Variants in CRACD observed in about 807,000 individuals in gnomAD.
CRACD encodes capping protein-inhibiting regulator of actin dynamics.
A neutral mutation model predicts 106.8 loss-of-function variants in CRACD; 56 were observed. That is an observed-to-expected ratio of 0.52 (90% CI 0.42 to 0.66). The LOEUF is 0.66. Ranked by LOEUF, CRACD falls within the 30% of genes least tolerant of loss-of-function variation. CRACD has a pLI of 0.00. For synonymous variants in CRACD, 754 were observed against 670.8 expected (o/e 1.12, Z -1.92); for missense variants, 1,730 against 1,623.2 (o/e 1.07, Z -1.13).
chr4:56,262,565 T>C (rs1274521403), intron 2 of CRACD, among the ~76,000 whole-genome samples: 1 of 152,198 alleles, frequency 6.6e-6, no homozygotes, highest in African/African-American at 2.4e-5. Flanking sequence ...GTGTATTTTA[T>C]GTGTGGCCCA....
At chr4:56,160,886 G>A (rs1735927820) in intron 1 of CRACD, among the ~76,000 whole-genome samples, 1 of 152,206 alleles carries the variant, frequency 6.6e-6, no homozygotes, top group Admixed American at 6.5e-5. Flanking sequence ...TTGTTAATAG[G>A]CTGGAATACC....
chr4:56,053,301 A>T (rs892709360), intron 1 of CRACD, among the ~76,000 whole-genome samples: 2 of 152,104 alleles, frequency 1.3e-5, no homozygotes, highest in African/African-American at 4.8e-5. Context: ...CAAGTATCCT[A>T]TTAGCGTTTT....
chr4:56,149,506 C>T (rs552622336), intron 1 of CRACD, among the ~76,000 whole-genome samples: 1 of 152,268 alleles, frequency 6.6e-6, no homozygotes, highest in South Asian at 2.1e-4. Context: ...ATGTGCTTAT[C>T]TGTAAATTTG....
At chr4:56,078,581 A>C (rs1441941032) in intron 1 of CRACD, among the ~76,000 whole-genome samples, 3 of 151,944 alleles carry the variant, frequency 2.0e-5, no homozygotes, top group Non-Finnish European at 4.4e-5. Flanking sequence ...TGATTTTTTT[A>C]AATTCTTTAT....
At chr4:56,310,813 G>A (rs1445923709) in intron 6 of CRACD, 79 bp downstream of exon 6, 8 of 788,854 alleles carry the variant, frequency 1.0e-5, no homozygotes, top group Non-Finnish European at 1.6e-5. Context: ...TTTTTTTTGC[G>A]ACCTGCTGCC....
chr4:56,316,763 G>A, intron 8 of CRACD, 74 bp downstream of exon 8: 1 of 1,464,698 alleles, frequency 6.8e-7, no homozygotes, highest in Non-Finnish European at 9.2e-7. Flanking sequence ...AGATCCACAC[G>A]CAGGTTCATG....
chr4:56,130,872 C>A (rs1322137678), intron 1 of CRACD, among the ~76,000 whole-genome samples: 2 of 152,126 alleles, frequency 1.3e-5, no homozygotes, highest in Admixed American at 1.3e-4. Context: ...TCCACCTCTC[C>A]ATCTCCCTCT....
intron 1 of CRACD, among the ~76,000 whole-genome samples, chr4:56,054,444 G>C (rs1208391088): frequency 1.3e-5 from 2 of 152,174 alleles, no homozygotes; most frequent in Non-Finnish European, 2.9e-5. Context: ...GCCTCCCAAA[G>C]TGCTGGGATT....
chr4:56,128,860 A>G (rs920221387), intron 1 of CRACD, among the ~76,000 whole-genome samples: 1 of 152,228 alleles, frequency 6.6e-6, no homozygotes, highest in African/African-American at 2.4e-5. Context: ...TTTAAAATCA[A>G]TAATAAACTT....
chr4:56,166,413 G>A (rs993497538), intron 1 of CRACD, among the ~76,000 whole-genome samples: 1 of 152,084 alleles, frequency 6.6e-6, no homozygotes, highest in Non-Finnish European at 1.5e-5. Flanking sequence ...GGGTATGGTG[G>A]CTTAAACCTG....
intron 2 of CRACD, among the ~76,000 whole-genome samples, chr4:56,183,289 A>ATAAAATAAAATAAAATAAAAT (rs375682859): frequency 6.7e-5 from 10 of 150,104 alleles, no homozygotes; most frequent in East Asian, 4.0e-4. Context: ...ATAAAATAAA[A>ATAAAATAAAATAAAATAAAAT]AGAATTAGGG....
chr4:56,068,190 C>T (rs1422232953), intron 1 of CRACD, among the ~76,000 whole-genome samples: 1 of 152,164 alleles, frequency 6.6e-6, no homozygotes, highest in East Asian at 1.9e-4. Flanking sequence ...GAGAAGCTGA[C>T]ATTCGAACAA....
At chr4:56,274,549 A>G (rs1186255220) in intron 3 of CRACD, among the ~76,000 whole-genome samples, 2 of 152,220 alleles carry the variant, frequency 1.3e-5, no homozygotes, top group Non-Finnish European at 2.9e-5. Context: ...TTAAGGTTTC[A>G]GGTTTTACAA....
rs1735389250 is a variant in CRACD, at chr4:56,146,565, C to T, written c.-335-32719C>T. Among the ~76,000 whole-genome samples, 2 of 5,240 alleles carry T rather than the reference C, an allele frequency of 3.8e-4. 1 individual carries two copies. Among genetic ancestry groups the T allele is most frequent in the South Asian group, 0.014 (2 of 146 alleles). The allele number at this position is 5,240 out of a possible 152,430, so 3.4% of individuals were successfully genotyped here. A position where few individuals can be genotyped will look rare whatever the true frequency, so the allele number is the denominator to read the frequency against. On this transcript the variant is annotated intron_variant, in intron 1 of 10. Transcript: ENST00000682029. ...GGTATATCTCCTAATGCTATCCCTC[C>T]CCCCTCCCCCCACCGCCATGTATCT...
intron 1 of CRACD, among the ~76,000 whole-genome samples, chr4:56,132,997 A>G (rs1180140964): frequency 1.3e-5 from 2 of 152,214 alleles, no homozygotes; most frequent in Non-Finnish European, 2.9e-5. Context: ...GCACTCCAAT[A>G]TCTGACCTAT....
At chr4:56,225,138 G>T (rs1293992474) in intron 2 of CRACD, among the ~76,000 whole-genome samples, 3 of 152,128 alleles carry the variant, frequency 2.0e-5, no homozygotes, top group Non-Finnish European at 4.4e-5. Flanking sequence ...GCCCAGGCTG[G>T]AGTGCAGTGG....
At chr4:56,188,894 G>A (rs1033511051) in intron 2 of CRACD, among the ~76,000 whole-genome samples, 1 of 152,040 alleles carries the variant, frequency 6.6e-6, no homozygotes, top group African/African-American at 2.4e-5. Context: ...ATAATGGGCT[G>A]GGTGCGGTAG....
In CRACD at chr4:56,313,362, C is replaced by G. The variant is rs780054189; in HGVS notation, c.520C>G (p.His174Asp). The change falls in exon 7 of 11, where the codon CAC becomes GAC. Residue 174 changes from histidine to aspartate, a missense_variant. Transcript: ENST00000682029. ...KPKKQRVSKKHRRLAQDPQHE... is the reference protein window; with the variant it reads ...KPKKQRVSKKDRRLAQDPQHE... ...AAAAAAACAGAGGGTGTCAAAGAAGCACAGGCGCCTTGCCCAGGTGTGTAG... is the reference window on the plus strand; with the variant it reads ...AAAAAAACAGAGGGTGTCAAAGAAGGACAGGCGCCTTGCCCAGGTGTGTAG... 1 of 1,613,836 alleles carries G rather than the reference C, an allele frequency of 6.2e-7. No homozygotes were observed. Among genetic ancestry groups the G allele is most frequent in the Non-Finnish European group, 8.5e-7 (1 of 1,179,978 alleles).
rs17086420 is a variant in CRACD, at chr4:56,197,624, A to G, written c.-189+18194A>G. Among the ~76,000 whole-genome samples the G allele has an allele frequency of 7.7e-3, 1,171 of 152,152 alleles. 13 individuals are homozygous for G. The highest frequency in any genetic ancestry group is 0.026 in the African/African-American group (1,068 of 41,516). Reference sequence around the variant, plus strand: ...TGACTCAGACAATGAGGCTTTTACCACATCTCTAGGGAGGTTACAAAGTCT... The same window carrying G: ...TGACTCAGACAATGAGGCTTTTACCGCATCTCTAGGGAGGTTACAAAGTCT... On this transcript the variant is annotated intron_variant, in intron 2 of 10. Transcript: ENST00000682029.
Sources: allele counts gnomAD v4.1 joint callset (sites outside exome capture counted in the v4.1 genomes callset), GRCh38; gene constraint gnomAD v4.1.1; transcripts MANE v1.5; gene names NCBI Gene and HGNC (gene_info 2026-07-23, HGNC 2026-07-21).